Variants in THTPA observed in about 807,000 individuals in gnomAD.
THTPA encodes the protein thiamine triphosphatase, also known as thiamine-triphosphatase.
Under a neutral mutation model 16.5 loss-of-function variants are expected in THTPA, and 16 were observed. The ratio of observed to expected loss-of-function variants is 0.97; its 90% CI spans 0.66 to 1.47. The LOEUF is 1.47. THTPA is among the 40% of genes most tolerant of loss of function. The pLI is 0.00. For synonymous variants in THTPA, 110 were observed against 115.5 expected (o/e 0.95, Z 0.30); for missense variants, 281 against 280.9 (o/e 1.00, Z 0.00).
rs1882983743 is a variant in THTPA at position 23,559,281 on chromosome 14, G to T, written c.*441G>T. 2 of 217,614 alleles carry T rather than the reference G, an allele frequency of 9.2e-6. No individual in the cohort carries two copies. Among genetic ancestry groups the T allele is most frequent in the African/African-American group, 4.6e-5 (2 of 43,148 alleles). The allele number at this position is 217,614 out of a possible 1,614,324, so 13.5% of individuals were successfully genotyped here. A position where few individuals can be genotyped will look rare whatever the true frequency, so the allele number is the denominator to read the frequency against. On this transcript the variant is annotated 3_prime_UTR_variant, in exon 2 of 2. Coordinates refer to ENST00000288014, the MANE Select transcript of THTPA (RefSeq NM_024328.6). ...TTGGGATGTGGGAAACAGAAGAAAA[G>T]TTGAGGAAATGGTTGGGAATCGCTG...
chr14:23,525,805 T>C, the THTPA span: 2 of 1,471,486 alleles, frequency 1.4e-6, no homozygotes, highest in South Asian at 2.8e-5. The surrounding 1 kb of genome is among the most constrained non-coding windows in gnomAD (Gnocchi z 5.9). Context: ...GCCCAGCTAG[T>C]GTCAGCTTGG....
upstream of THTPA, among the ~76,000 whole-genome samples, chr14:23,553,969 C>T (rs568547960): frequency 5.4e-5 from 7 of 129,498 alleles, no homozygotes; most frequent in South Asian, 5.4e-4. Context: ...GAGGCTGAGG[C>T]GGGAGAATCA....
At chr14:23,534,104 A>G in the THTPA span, 1 of 1,492,620 alleles carries the variant, frequency 6.7e-7, no homozygotes, top group Non-Finnish European at 8.9e-7. This position sits in a 1 kb window ranked among gnomAD's most constrained non-coding sequence, Gnocchi z 4.5. Flanking sequence ...TCTTCGGGGG[A>G]GCCCACTGGG....
At position 23,560,081 on chromosome 14, in the gene THTPA, G is replaced by A; in HGVS notation, c.*1241G>A. 3 of 1,453,528 alleles carry A rather than the reference G, an allele frequency of 2.1e-6. No homozygotes were observed. The highest frequency in any genetic ancestry group is 2.9e-6 in the Non-Finnish European group (3 of 1,048,328). 90.0% of individuals were successfully genotyped at this position (1,453,528 alleles called of 1,614,324 possible). On this transcript the variant is annotated 3_prime_UTR_variant, in exon 2 of 2. Transcript: ENST00000288014. ...AGAGCACAGTATGGCAGTAGGTAGGGCTCAGGCAGCCCCTCTATACTCAGT... is the reference window on the plus strand; with the variant it reads ...AGAGCACAGTATGGCAGTAGGTAGGACTCAGGCAGCCCCTCTATACTCAGT...
chr14:23,517,495 G>A, the THTPA span, among the ~76,000 whole-genome samples: 6 of 152,128 alleles, frequency 3.9e-5, no homozygotes, highest in African/African-American at 2.4e-5. Context: ...TAGAAATGAC[G>A]CTTTCATGGC....
the THTPA span, chr14:23,533,870 A>T: frequency 6.5e-7 from 1 of 1,538,140 alleles, no homozygotes; most frequent in Non-Finnish European, 8.7e-7. The surrounding 1 kb of genome is among the most constrained non-coding windows in gnomAD (Gnocchi z 4.8). Flanking sequence ...CCAGCACTGC[A>T]GTAGCTGCAG....
the THTPA span, among the ~76,000 whole-genome samples, chr14:23,539,131 G>A: frequency 6.6e-6 from 1 of 152,148 alleles, no homozygotes; most frequent in South Asian, 2.1e-4. Flanking sequence ...CTCCCCTAAT[G>A]CACTGTTTCG....
At chr14:23,535,829 T>C in the THTPA span, among the ~76,000 whole-genome samples, 49 of 152,142 alleles carry the variant, frequency 3.2e-4, no homozygotes, top group African/African-American at 1.2e-3. The surrounding 1 kb of genome is among the most constrained non-coding windows in gnomAD (Gnocchi z 4.5). Flanking sequence ...CGACCTCAAG[T>C]GATCCGCCCA....
chr14:23,525,076 G>C, the THTPA span: 1 of 1,536,106 alleles, frequency 6.5e-7, no homozygotes, highest in Non-Finnish European at 8.7e-7. The surrounding 1 kb of genome is among the most constrained non-coding windows in gnomAD (Gnocchi z 5.9). Context: ...CCACCTCTCC[G>C]TCTTTGGGGT....
chr14:23,530,787 A>G, the THTPA span: 17 of 283,944 alleles, frequency 6.0e-5, no homozygotes, highest in African/African-American at 3.0e-4. Context: ...TGGCAATTCA[A>G]TTAGCACCAG....
chr14:23,523,958 G>C, the THTPA span: 14 of 1,534,584 alleles, frequency 9.1e-6, no homozygotes, highest in Non-Finnish European at 1.2e-5. The surrounding 1 kb of genome is among the most constrained non-coding windows in gnomAD (Gnocchi z 4.1). Flanking sequence ...GAGAGGTAGA[G>C]GTGGCTCTGG....
the THTPA span, among the ~76,000 whole-genome samples, chr14:23,539,112 C>A: frequency 2.6e-4 from 39 of 152,140 alleles, no homozygotes; most frequent in Admixed American, 2.5e-3. Context: ...GCCCCTTCAG[C>A]CTATCCTCCT....
the THTPA span, among the ~76,000 whole-genome samples, chr14:23,518,219 C>T: frequency 6.6e-6 from 1 of 152,218 alleles, no homozygotes; most frequent in South Asian, 2.1e-4. The surrounding 1 kb of genome is among the most constrained non-coding windows in gnomAD (Gnocchi z 4.5). Context: ...TTCAGATTTA[C>T]ATATCTTTCC....
At chr14:23,520,500 C>A in the THTPA span, among the ~76,000 whole-genome samples, 5 of 152,172 alleles carry the variant, frequency 3.3e-5, no homozygotes, top group South Asian at 2.1e-4. This position sits in a 1 kb window ranked among gnomAD's most constrained non-coding sequence, Gnocchi z 8.7. Flanking sequence ...ACCCCACTCA[C>A]CCCCTTCTTC....
chr14:23,546,857 G>A, the THTPA span, among the ~76,000 whole-genome samples: 1 of 152,176 alleles, frequency 6.6e-6, no homozygotes, highest in African/African-American at 2.4e-5. The surrounding 1 kb of genome is among the most constrained non-coding windows in gnomAD (Gnocchi z 4.7). Flanking sequence ...AGCCACCACT[G>A]TCCTTCCTTC....
chr14:23,520,397 G>C, the THTPA span, among the ~76,000 whole-genome samples: 6 of 151,736 alleles, frequency 4.0e-5, no homozygotes, highest in South Asian at 6.3e-4. The surrounding 1 kb of genome is among the most constrained non-coding windows in gnomAD (Gnocchi z 8.7). Context: ...GGGCCTCCAG[G>C]GGGGCAGCAG....
the THTPA span, chr14:23,531,297 GT>G: frequency 1.1e-6 from 1 of 878,408 alleles, no homozygotes; most frequent in East Asian, 3.3e-5. Context: ...TCCACTCAAG[GT>G]AGCCTCCACA....
At chr14:23,520,955 C>T in the THTPA span, 2 of 150,800 alleles carry the variant, frequency 1.3e-5, no homozygotes, top group South Asian at 2.1e-4. This position sits in a 1 kb window ranked among gnomAD's most constrained non-coding sequence, Gnocchi z 8.7. Flanking sequence ...CTTTTGTGCG[C>T]GTGTGCACGT....
the THTPA span, chr14:23,522,215 C>G: frequency 2.7e-6 from 4 of 1,478,416 alleles, no homozygotes; most frequent in Admixed American, 2.2e-5. Flanking sequence ...GATGGGCACC[C>G]GCAATGGGGG....
Sources: allele counts gnomAD v4.1 joint callset (sites outside exome capture counted in the v4.1 genomes callset), GRCh38; gene constraint gnomAD v4.1.1; non-coding constraint Gnocchi (gnomAD v3.1); transcripts MANE v1.5; gene names NCBI Gene and HGNC (gene_info 2026-07-23, HGNC 2026-07-21).